The following IQGAP1 variants were observed in gnomAD, a reference collection of about 807,000 sequenced individuals.
IQGAP1 encodes the protein IQ motif containing GTPase activating protein 1.
A neutral mutation model predicts 215.6 loss-of-function variants in IQGAP1; 66 were observed. The ratio of observed to expected loss-of-function variants is 0.31; its 90% confidence interval spans 0.25 to 0.38. The LOEUF (loss-of-function observed/expected upper bound fraction) is 0.38, where lower values mean the gene tolerates loss of function less well. Among genes scored for constraint, IQGAP1 ranks in the 10% least tolerant of loss-of-function variants. The probability of loss-of-function intolerance (pLI) is 1.00; values close to 1 mark genes in which losing one functional copy is unlikely to be tolerated. For synonymous variants in IQGAP1, 772 were observed against 728.7 expected (o/e 1.06, Z -0.96); for missense variants, 1,712 against 1,997.1 (o/e 0.86, Z 2.72).
chr15:90,454,304 CTG>C (rs1965648353), intron 13 of IQGAP1, 122 bp from the exon 14 acceptor site: 1 of 1,012,290 alleles, frequency 9.9e-7, no homozygotes, highest in Non-Finnish European at 1.5e-6. Flanking sequence ...TTTAAAGTAA[CTG>C]TGCAGTTCCA....
intron 2 of IQGAP1, among the ~76,000 whole-genome samples, chr15:90,400,053 T>C (rs912684473): frequency 2.0e-5 from 3 of 152,170 alleles, no homozygotes; most frequent in Non-Finnish European, 4.4e-5. Context: ...ATTTGTAGAA[T>C]TGTTGTTCCT....
At chr15:90,398,483 G>C (rs748018436) in intron 2 of IQGAP1, among the ~76,000 whole-genome samples, 1 of 152,252 alleles carries the variant, frequency 6.6e-6, no homozygotes, top group Admixed American at 6.5e-5. Context: ...GAAAAACTGT[G>C]TATATAATTT....
intron 8 of IQGAP1, among the ~76,000 whole-genome samples, chr15:90,443,122 C>T (rs1269376306): frequency 6.6e-6 from 1 of 152,072 alleles, no homozygotes; most frequent in African/African-American, 2.4e-5. Flanking sequence ...CCACATTGGG[C>T]TAATAAAAAA....
At chr15:90,407,609 T>TA (rs1460881333) in intron 2 of IQGAP1, among the ~76,000 whole-genome samples, 1 of 152,254 alleles carries the variant, frequency 6.6e-6, no homozygotes, top group East Asian at 1.9e-4. Flanking sequence ...GGAAGATTGT[T>TA]ATGTTCTAAC....
At chr15:90,470,973 C>T (rs1206529531) in intron 18 of IQGAP1, among the ~76,000 whole-genome samples, 1 of 152,052 alleles carries the variant, frequency 6.6e-6, no homozygotes, top group Non-Finnish European at 1.5e-5. Flanking sequence ...TTCTCCTACA[C>T]ATTCTTCCTG....
chr15:90,471,502 CTT>C (rs370377668), intron 18 of IQGAP1, among the ~76,000 whole-genome samples: 18 of 144,406 alleles, frequency 1.2e-4, no homozygotes, highest in Admixed American at 1.4e-4. Flanking sequence ...CTCATGAAGT[CTT>C]TTTTTTTTTT....
At chr15:90,494,646 G>A in intron 35 of IQGAP1, 67 bp from the exon 36 acceptor site, 1 of 1,407,024 alleles carries the variant, frequency 7.1e-7, no homozygotes. Context: ...GTTTCCTTCA[G>A]TTACCAATGA....
chr15:90,451,560 A>G (rs908742435), intron 11 of IQGAP1, among the ~76,000 whole-genome samples: 19 of 152,066 alleles, frequency 1.2e-4, no homozygotes, highest in Non-Finnish European at 1.2e-4. Flanking sequence ...ATTTGCTCCT[A>G]TGACCCACAC....
intron 18 of IQGAP1, among the ~76,000 whole-genome samples, chr15:90,469,237 T>A (rs1965872439): frequency 6.6e-6 from 1 of 152,182 alleles, no homozygotes; most frequent in Non-Finnish European, 1.5e-5. Flanking sequence ...GTTAGACATA[T>A]TACTAACAGA....
At chr15:90,414,676 C>T (rs377670524) in intron 2 of IQGAP1, among the ~76,000 whole-genome samples, 1 of 152,092 alleles carries the variant, frequency 6.6e-6, no homozygotes, top group Non-Finnish European at 1.5e-5. Flanking sequence ...CACAGTGCTT[C>T]AGCTTTTACA....
chr15:90,388,417 C>T (rs1964582436), intron 1 of IQGAP1, 21 bp downstream of exon 1: 1 of 1,509,396 alleles, frequency 6.6e-7, no homozygotes, highest in Non-Finnish European at 8.9e-7. Flanking sequence ...GGCTCCGCGG[C>T]GCGGGGGCTT....
Position 90,499,699 on chromosome 15 carries a change from G to A in IQGAP1, c.4861-296G>A, listed in dbSNP as rs146554341. On this transcript the variant is annotated intron_variant, in intron 37 of 37. Coordinates refer to ENST00000268182, the MANE Select transcript of IQGAP1 (RefSeq NM_003870.4). ...TTAGATGTGTGTGGCAATTGAACAT[G>A]TTTCTTTTTCTTTCCATGTATGATG... Among the ~76,000 whole-genome samples, 8 of 152,302 alleles carry A rather than the reference G, an allele frequency of 5.3e-5. No individual in the cohort carries two copies. In the South Asian group the frequency reaches 1.0e-3, roughly 20 times the overall value.
At chr15:90,395,147 G>T (rs188857817) in intron 2 of IQGAP1, among the ~76,000 whole-genome samples, 5 of 152,244 alleles carry the variant, frequency 3.3e-5, no homozygotes, top group Admixed American at 2.6e-4. Flanking sequence ...AAATTAAGCC[G>T]CTGTTCTAAT....
rs186061615 is a variant in IQGAP1 at position 90,500,967 on chromosome 15, G to C, written c.*859G>C. ...GTAGAATGTCATTGTTTTTAAAACT[G>C]TTTTATATCTTAAGAGTGCCTTATT... is the stretch of plus-strand genomic sequence containing the variant. On this transcript the variant is annotated 3_prime_UTR_variant, in exon 38 of 38. Transcript: ENST00000268182. 1.3e-5 allele frequency: 2 copies of C among 152,728 alleles called. No individual in the cohort carries two copies. Among genetic ancestry groups the C allele is most frequent in the Admixed American group, 6.5e-5 (1 of 15,292 alleles). 9.5% of individuals were successfully genotyped at this position (152,728 alleles called of 1,614,324 possible). A position where few individuals can be genotyped will look rare whatever the true frequency, so the allele number is the denominator to read the frequency against.
chr15:90,459,718 T>G (rs1965735224), intron 15 of IQGAP1, among the ~76,000 whole-genome samples: 1 of 152,190 alleles, frequency 6.6e-6, no homozygotes, highest in Admixed American at 6.5e-5. Flanking sequence ...TTTGTTTTGT[T>G]TTGTTTTTTG....
intron 1 of IQGAP1, among the ~76,000 whole-genome samples, chr15:90,389,827 C>T (rs939826001): frequency 1.3e-5 from 2 of 151,320 alleles, no homozygotes; most frequent in African/African-American, 2.4e-5. Flanking sequence ...CGTGGTGGCC[C>T]ATGCCTGTGG....
rs972673767 is a variant in IQGAP1 at position 90,413,060 on chromosome 15, A to G, written c.156-13050A>G. On this transcript the variant is annotated intron_variant, in intron 2 of 37. Coordinates refer to ENST00000268182, the MANE Select transcript of IQGAP1 (RefSeq NM_003870.4). ...GGTTTACCACAGTAGAGTTCTCAGT[A>G]TAGTTATTTATTTGTCTTGCTGAGT... 2.6e-5 allele frequency among the ~76,000 whole-genome samples: 4 copies of G among 152,048 alleles called. No homozygotes were observed. In the East Asian group the frequency reaches 7.7e-4, roughly 29 times the overall value.
At chr15:90,485,682 CA>C (rs909699766) in intron 30 of IQGAP1, among the ~76,000 whole-genome samples, 1 of 152,126 alleles carries the variant, frequency 6.6e-6, no homozygotes, top group African/African-American at 2.4e-5. Context: ...TCAGGTGATC[CA>C]CCCGCCTTGG....
In IQGAP1 at chr15:90,494,804, C is replaced by T. The variant is rs1383820634; in HGVS notation, c.4720C>T (p.Leu1574Phe). 5.6e-6 allele frequency: 9 copies of T among 1,607,106 alleles called. No homozygotes were observed. Among genetic ancestry groups the T allele is most frequent in the Non-Finnish European group, 6.8e-6 (8 of 1,176,388 alleles). The change falls in exon 36 of 38, where the codon CTT becomes TTT. Residue 1574 changes from leucine (L) to phenylalanine (F), a missense_variant. Physicochemically the swap from Leu to Phe is conservative, Grantham distance 22. Coordinates refer to ENST00000268182, the MANE Select transcript of IQGAP1 (RefSeq NM_003870.4). ...TAARLHEKGV[L>F]LEIEDLQVNQ... The stretch of plus-strand genomic sequence containing the variant: ...AGCAAGACTACATGAAAAAGGAGTT[C>T]TTCTGGAAATTGAGGACCTGCAAGT...
Sources: gnomAD v4.1 joint callset for allele counts (sites outside exome capture counted in the v4.1 genomes callset) on GRCh38, gnomAD v4.1.1 for gene constraint, MANE v1.5 for transcripts, NCBI Gene and HGNC (gene_info 2026-07-23, HGNC 2026-07-21) for gene names.